Variants in TRPM3 observed in about 807,000 individuals in gnomAD.
The protein encoded by TRPM3 is transient receptor potential cation channel subfamily M member 3.
TRPM3 carries 77 observed loss-of-function variants against 181.2 expected under a neutral mutation model. That is an observed-to-expected ratio of 0.42 (90% CI 0.35 to 0.51). The LOEUF (loss-of-function observed/expected upper bound fraction) is 0.51. Among genes scored for constraint, TRPM3 ranks in the 20% least tolerant of loss-of-function variants. TRPM3 has a pLI of 0.01. For synonymous variants in TRPM3, 745 were observed against 796.4 expected (o/e 0.94, Z 1.09); for missense variants, 1,759 against 2,196.7 (o/e 0.80, Z 3.98).
chr9:71,076,325 A>G (rs774117204), intron 1 of TRPM3, among the ~76,000 whole-genome samples: 4 of 152,192 alleles, frequency 2.6e-5, no homozygotes, highest in Non-Finnish European at 5.9e-5. Context: ...TTACTAGCAT[A>G]TTACTGAATT....
chr9:70,990,121 C>G (rs2097463180), intron 1 of TRPM3, among the ~76,000 whole-genome samples: 1 of 152,140 alleles, frequency 6.6e-6, no homozygotes. Flanking sequence ...CCTAGAAATT[C>G]CGGCTTTCAA....
intron 1 of TRPM3, among the ~76,000 whole-genome samples, chr9:71,334,635 T>A (rs552933962): frequency 9.2e-5 from 14 of 152,188 alleles, no homozygotes; most frequent in African/African-American, 3.1e-4. Flanking sequence ...ATCCTTTATC[T>A]CAAATTGTGT....
At chr9:71,373,772 A>G (rs1008350724) in intron 1 of TRPM3, among the ~76,000 whole-genome samples, 22 of 152,152 alleles carry the variant, frequency 1.4e-4, no homozygotes, top group African/African-American at 5.1e-4. Context: ...CCCTTACTCA[A>G]TCTATAAAGC....
At chr9:71,242,254 G>A (rs1461433255) in intron 1 of TRPM3, among the ~76,000 whole-genome samples, 1 of 152,156 alleles carries the variant, frequency 6.6e-6, no homozygotes, top group African/African-American at 2.4e-5. Flanking sequence ...CACTAACTGC[G>A]CAGATGTGGT....
chr9:70,762,280 T>C (rs772481188), intron 7 of TRPM3, among the ~76,000 whole-genome samples: 1 of 152,372 alleles, frequency 6.6e-6, no homozygotes, highest in East Asian at 1.9e-4. Context: ...GTATTCATTA[T>C]TTACGTCAAG....
intron 1 of TRPM3, among the ~76,000 whole-genome samples, chr9:71,268,858 CAA>C (rs1014680558): frequency 2.0e-5 from 3 of 151,820 alleles, no homozygotes; most frequent in African/African-American, 7.3e-5. Context: ...TTAAAAAAAA[CAA>C]AGAATCAGAG....
At position 70,949,893 on chromosome 9, in the gene TRPM3, C is replaced by A. The variant is rs1489174667; in HGVS notation, c.178-85382G>T. 2.0e-5 allele frequency among the ~76,000 whole-genome samples: 3 copies of A among 152,068 alleles called. No homozygotes were observed. In the East Asian group the frequency reaches 5.8e-4, roughly 29 times the overall value. On this transcript the variant is annotated intron_variant, in intron 1 of 25. Coordinates refer to ENST00000677713, the MANE Select transcript of TRPM3 (RefSeq NM_001366145.2). ...TTCATCTGAGACATGGGATTCACTG[C>A]CTGGACAAGATAGGTCTGTATTTCT...
In TRPM3 at chr9:70,978,001, C is replaced by T. The variant is rs570714488; in HGVS notation, c.178-113490G>A. 5.3e-5 allele frequency among the ~76,000 whole-genome samples: 8 copies of T among 152,260 alleles called. No homozygotes were observed. In the South Asian group the frequency reaches 1.7e-3, roughly 32 times the overall value. On this transcript the variant is annotated intron_variant, in intron 1 of 25. Transcript: ENST00000677713. ...TTAACTTAATCTCCAGCCCCTTTCC[C>T]CTCCCCAGAGGTTGAGGAGTGGGGC...
intron 1 of TRPM3, among the ~76,000 whole-genome samples, chr9:71,096,597 C>T (rs942571932): frequency 1.6e-5 from 2 of 122,856 alleles, no homozygotes; most frequent in East Asian, 2.2e-4. Context: ...CACACTCTCT[C>T]TCTCTCTCTC....
Position 70,781,641 on chromosome 9 carries a change from A to G in TRPM3, c.1148+2464T>C, listed in dbSNP as rs143684851. On this transcript the variant is annotated intron_variant, in intron 7 of 25. Transcript: ENST00000677713. ...CACATACCATAAAACACATTTCAGT[A>G]CATGTTCATGATATACCAGCAGGGA... Among the ~76,000 whole-genome samples the G allele has an allele frequency of 1.2e-3, 182 of 152,276 alleles. 1 individual carries two copies. Among genetic ancestry groups the G allele is most frequent in the African/African-American group, 4.2e-3 (174 of 41,564 alleles).
chr9:70,905,541 T>C (rs567677349), intron 1 of TRPM3, among the ~76,000 whole-genome samples: 2 of 152,334 alleles, frequency 1.3e-5, no homozygotes, highest in Non-Finnish European at 2.9e-5. Context: ...AAAATATATT[T>C]AGTTATTCTG....
chr9:71,234,468 T>C (rs146395741), intron 1 of TRPM3, among the ~76,000 whole-genome samples: 12 of 152,296 alleles, frequency 7.9e-5, no homozygotes, highest in African/African-American at 2.9e-4. Flanking sequence ...ACAGATTGGA[T>C]GACTGTAACA....
intron 1 of TRPM3, among the ~76,000 whole-genome samples, chr9:71,090,203 T>G (rs1295208905): frequency 6.6e-6 from 1 of 152,032 alleles, no homozygotes; most frequent in African/African-American, 2.4e-5. Flanking sequence ...AACAAGGTCT[T>G]GTGGAGTAAG....
At chr9:70,951,694 T>A (rs2097002162) in intron 1 of TRPM3, among the ~76,000 whole-genome samples, 1 of 152,212 alleles carries the variant, frequency 6.6e-6, no homozygotes, top group South Asian at 2.1e-4. Flanking sequence ...TAAGTATTGT[T>A]GCTTATATAA....
chr9:71,201,813 C>G (rs574419292), intron 1 of TRPM3, among the ~76,000 whole-genome samples: 18 of 152,298 alleles, frequency 1.2e-4, no homozygotes, highest in Admixed American at 7.2e-4. Context: ...TTGTCTGAAG[C>G]CTTCTTCTCT....
At chr9:70,990,620 T>C (rs2097472010) in intron 1 of TRPM3, among the ~76,000 whole-genome samples, 2 of 152,192 alleles carry the variant, frequency 1.3e-5, no homozygotes, top group Non-Finnish European at 2.9e-5. Context: ...TCCTGGGCTA[T>C]TTTATTATTA....
In TRPM3 at chr9:71,263,118, A is replaced by G. The variant is rs377567599; in HGVS notation, c.183+183535T>C. 1.6e-4 allele frequency among the ~76,000 whole-genome samples: 24 copies of G among 152,286 alleles called. 1 individual carries two copies. The East Asian group carries it at 2.3e-3, about 15-fold the overall frequency. On this transcript the variant is annotated intron_variant, in intron 1 of 24. Coordinates refer to the TRPM3 transcript ENST00000357533. ...GATATCATAATTCTCACTGACCACC[A>G]TTATTTTTAAGTTTTTTGTCTTTTA...
At chr9:71,391,483 AATG>A (rs1214368364) in intron 1 of TRPM3, among the ~76,000 whole-genome samples, 1 of 152,056 alleles carries the variant, frequency 6.6e-6, no homozygotes, top group Non-Finnish European at 1.5e-5. Context: ...AGTATAGATT[AATG>A]ATATTTATTC....
chr9:71,436,396 G>A lies in TRPM3; in HGVS notation c.183+10257C>T, dbSNP rs575279791. On this transcript the variant is annotated intron_variant, in intron 1 of 24. Transcript: ENST00000357533. ...CGGCTCACTGCAATCTCTGCCTCCT[G>A]GGTTCGAGCGATTCCCCTGCCTCAG... is the stretch of plus-strand genomic sequence containing the variant. Among the ~76,000 whole-genome samples the A allele has an allele frequency of 4.2e-5, 6 of 144,336 alleles. 1 individual carries two copies. The highest frequency in any genetic ancestry group is 1.6e-4 in the African/African-American group (6 of 38,222). 94.7% of individuals were successfully genotyped at this position (144,336 alleles called of 152,430 possible).
Sources: gnomAD v4.1 joint callset for allele counts (sites outside exome capture counted in the v4.1 genomes callset) on GRCh38, gnomAD v4.1.1 for gene constraint, MANE v1.5 for transcripts, NCBI Gene and HGNC (gene_info 2026-07-23, HGNC 2026-07-21) for gene names.